Variants in SMARCC1 observed in about 807,000 individuals in gnomAD.
SMARCC1 encodes SWI/SNF complex subunit SMARCC1.
Under a neutral mutation model 147.4 loss-of-function variants are expected in SMARCC1, and 43 were observed. The ratio of observed to expected loss-of-function variants is 0.29; its 90% CI spans 0.23 to 0.38. SMARCC1 has a LOEUF of 0.38. Among genes scored for constraint, SMARCC1 ranks in the 10% least tolerant of loss-of-function variants. The pLI, the probability that SMARCC1 is intolerant of heterozygous loss-of-function variation, is 1.00. For missense variants in SMARCC1, 1,119 were observed against 1,381.1 expected (o/e 0.81, Z 3.01); for synonymous variants, 495 against 484.4 (o/e 1.02, Z -0.29).
At chr3:47,700,597 C>T (rs2033906132) in intron 11 of SMARCC1, among the ~76,000 whole-genome samples, 1 of 152,172 alleles carries the variant, frequency 6.6e-6, no homozygotes, top group South Asian at 2.1e-4. Context: ...CAGCTCACTG[C>T]AACCTCCGCC....
At chr3:47,606,101 A>C (rs76458485) in intron 26 of SMARCC1, among the ~76,000 whole-genome samples, 1 of 148,832 alleles carries the variant, frequency 6.7e-6, no homozygotes, top group African/African-American at 2.5e-5. Context: ...GACTAAAAAT[A>C]AAAAAAAAAC....
chr3:47,685,036 C>T (rs1032815842), intron 14 of SMARCC1, among the ~76,000 whole-genome samples: 6 of 152,162 alleles, frequency 3.9e-5, no homozygotes, highest in African/African-American at 9.7e-5. Flanking sequence ...CTTTTTAAGT[C>T]GGAAACATTC....
chr3:47,735,842 C>T (rs934141914), intron 5 of SMARCC1, among the ~76,000 whole-genome samples, 192 bp downstream of exon 5: 7 of 150,784 alleles, frequency 4.6e-5, no homozygotes, highest in African/African-American at 1.7e-4. Context: ...CCATTGCATT[C>T]CAGCCTGGGC....
intron 9 of SMARCC1, among the ~76,000 whole-genome samples, chr3:47,710,412 T>C (rs1276482838): frequency 6.6e-6 from 1 of 152,128 alleles, no homozygotes; most frequent in Non-Finnish European, 1.5e-5. Context: ...TCAGATCTAG[T>C]GGGCAAAATC....
intron 10 of SMARCC1, chr3:47,701,662 A>C: frequency 2.8e-6 from 1 of 363,416 alleles, no homozygotes; most frequent in Non-Finnish European, 5.1e-6. Flanking sequence ...GAAAATACAA[A>C]AATAAGCCGG....
At chr3:47,677,732 G>A (rs1435752020) in intron 16 of SMARCC1, among the ~76,000 whole-genome samples, 1 of 151,812 alleles carries the variant, frequency 6.6e-6, no homozygotes, top group East Asian at 1.9e-4. Context: ...TAGTAAAGAT[G>A]GGGTTTCGCC....
At chr3:47,709,348 G>T (rs765897387) in intron 9 of SMARCC1, among the ~76,000 whole-genome samples, 36 of 152,114 alleles carry the variant, frequency 2.4e-4, no homozygotes, top group Admixed American at 5.9e-4. Flanking sequence ...ACTGTACTCT[G>T]CATGTCAGTG....
At chr3:47,669,418 G>A (rs1366294652) in intron 19 of SMARCC1, among the ~76,000 whole-genome samples, 1 of 152,118 alleles carries the variant, frequency 6.6e-6, no homozygotes, top group South Asian at 2.1e-4. Flanking sequence ...CAATACAAAA[G>A]TGTGTTTATA....
intron 6 of SMARCC1, among the ~76,000 whole-genome samples, chr3:47,723,355 G>GT (rs71070218): frequency 0.071 from 7,547 of 106,576 alleles, 69 homozygotes; most frequent in East Asian, 0.11. Flanking sequence ...TTTTTGTTGG[G>GT]TTTTTTTTTT....
Position 47,701,271 on chromosome 3 carries a change from T to G in SMARCC1, c.1165+7A>C, listed in dbSNP as rs1375424846. On this transcript the variant is annotated splice_region_variant and intron_variant, in intron 11 of 27. Coordinates refer to ENST00000254480, the MANE Select transcript of SMARCC1 (RefSeq NM_003074.4). The stretch of plus-strand genomic sequence containing the variant: ...AATCTAACACTCTCATGCAGAAGAA[T>G]ACAAACCATTTTTGGGAAGTACTAC... 6.2e-7 allele frequency: 1 copy of G among 1,611,940 alleles called. No individual in the cohort carries two copies. Among genetic ancestry groups the G allele is most frequent in the Admixed American group, 1.7e-5 (1 of 59,808 alleles).
intron 6 of SMARCC1, among the ~76,000 whole-genome samples, chr3:47,727,937 G>A (rs2034319838): frequency 6.6e-6 from 1 of 151,878 alleles, no homozygotes; most frequent in Non-Finnish European, 1.5e-5. Context: ...AGGTTGGAGT[G>A]CAATGGCTAC....
intron 2 of SMARCC1, among the ~76,000 whole-genome samples, chr3:47,759,612 C>T (rs1277777923): frequency 4.2e-5 from 1 of 23,690 alleles, no homozygotes; most frequent in Non-Finnish European, 1.6e-4. Context: ...GAGCTAGACT[C>T]CGTCTCAAAA....
At chr3:47,721,643 T>A (rs1205560697) in intron 6 of SMARCC1, among the ~76,000 whole-genome samples, 1 of 152,144 alleles carries the variant, frequency 6.6e-6, no homozygotes, top group African/African-American at 2.4e-5. Context: ...TCATTTTCAC[T>A]GAATAAAGCC....
At chr3:47,703,085 G>A (rs1276524074) in intron 10 of SMARCC1, among the ~76,000 whole-genome samples, 2 of 151,944 alleles carry the variant, frequency 1.3e-5, no homozygotes, top group Admixed American at 6.6e-5. Flanking sequence ...GCTCAATCAC[G>A]CACCGGCTAA....
At chr3:47,667,831 C>G (rs1332279560) in intron 19 of SMARCC1, among the ~76,000 whole-genome samples, 1 of 152,086 alleles carries the variant, frequency 6.6e-6, no homozygotes, top group Non-Finnish European at 1.5e-5. Flanking sequence ...GAGCTGAGAT[C>G]ATGTCACTGC....
chr3:47,667,814 T>C (rs6442074), intron 19 of SMARCC1, among the ~76,000 whole-genome samples: 90,371 of 151,940 alleles, frequency 0.59, 28,148 homozygotes, highest in East Asian at 0.72. Flanking sequence ...GAGGCAGAGG[T>C]TGCAGTGAGC....
At chr3:47,719,384 C>T (rs551614964) in intron 7 of SMARCC1, among the ~76,000 whole-genome samples, 1 of 152,168 alleles carries the variant, frequency 6.6e-6, no homozygotes, top group Admixed American at 6.5e-5. Flanking sequence ...TTAGTGGTTT[C>T]GCATAAGTAG....
intron 21 of SMARCC1, among the ~76,000 whole-genome samples, chr3:47,661,092 T>C (rs2033339726): frequency 6.6e-6 from 1 of 152,274 alleles, no homozygotes; most frequent in African/African-American, 2.4e-5. Flanking sequence ...TGTAATACCA[T>C]TAACAGTTAC....
chr3:47,766,307 T>C (rs1465115462), intron 2 of SMARCC1, among the ~76,000 whole-genome samples: 2 of 151,814 alleles, frequency 1.3e-5, no homozygotes, highest in Non-Finnish European at 2.9e-5. Flanking sequence ...GGCTCATGTC[T>C]GTAAACCCAG....
Sources: allele counts gnomAD v4.1 joint callset (sites outside exome capture counted in the v4.1 genomes callset), GRCh38; gene constraint gnomAD v4.1.1; transcripts MANE v1.5; gene names NCBI Gene and HGNC (gene_info 2026-07-23, HGNC 2026-07-21).